Variants in ZNF83 observed in about 807,000 individuals in gnomAD.
ZNF83 encodes the protein zinc finger protein 816B.
For missense variants in ZNF83, 552 were observed against 629.9 expected (o/e 0.88, Z 1.32); for synonymous variants, 209 against 213.0 (o/e 0.98, Z 0.17).
chr19:52,669,068 C>T (rs2100945), intron 1 of ZNF83, among the ~76,000 whole-genome samples: 118,815 of 152,134 alleles, frequency 0.78, 46,755 homozygotes, highest in African/African-American at 0.88. Flanking sequence ...TACCAATCAG[C>T]CACTCTTTAT....
chr19:52,638,612 G>T (rs916198749), upstream of ZNF83, among the ~76,000 whole-genome samples: 1 of 152,266 alleles, frequency 6.6e-6, no homozygotes, highest in Non-Finnish European at 1.5e-5. Context: ...CTGGAACGGG[G>T]ATGCAAACTA....
rs1158825931 is a variant in ZNF83 at position 52,676,666 on chromosome 19, C to G, written c.-283+13777G>C. The stretch of plus-strand genomic sequence containing the variant: ...TGAGAACGGGCCAGGATGACAATGG[C>G]GGCTTTGTGGAATAGAAAGCGGGGA... On this transcript the variant is annotated intron_variant, in intron 1 of 5. Transcript: ENST00000594682. 1.4e-5 allele frequency among the ~76,000 whole-genome samples: 2 copies of G among 139,290 alleles called. 1 individual carries two copies. Among genetic ancestry groups the G allele is most frequent in the Non-Finnish European group, 3.2e-5 (2 of 62,746 alleles). The allele number at this position is 139,290 out of a possible 152,430, so 91.4% of individuals were successfully genotyped here.
exon 3 of ZNF83, chr19:52,614,725 G>T: frequency 7.6e-7 from 1 of 1,321,006 alleles, no homozygotes; most frequent in Non-Finnish European, 9.7e-7. Flanking sequence ...CAACATTACT[G>T]TCTGGAATAT....
At chr19:52,644,642 AAC>A (rs1288202268) in intron 3 of ZNF83, among the ~76,000 whole-genome samples, 2 of 152,198 alleles carry the variant, frequency 1.3e-5, no homozygotes, top group Non-Finnish European at 2.9e-5. Context: ...CAGAAGTGTG[AAC>A]ACACAGTTAT....
chr19:52,677,559 CTTAAA>C (rs1320042028), intron 1 of ZNF83, among the ~76,000 whole-genome samples: 1 of 151,804 alleles, frequency 6.6e-6, no homozygotes, highest in Admixed American at 6.6e-5. Flanking sequence ...TTTTACGTCT[CTTAAA>C]TTAAATGGCC....
intron 1 of ZNF83, among the ~76,000 whole-genome samples, chr19:52,675,102 A>G (rs2061780788): frequency 6.6e-6 from 1 of 152,238 alleles, no homozygotes; most frequent in Non-Finnish European, 1.5e-5. Context: ...CTGAAGGCTG[A>G]CAAATCTTAT....
chr19:52,665,419 T>G (rs960569047), intron 1 of ZNF83, among the ~76,000 whole-genome samples: 1 of 151,714 alleles, frequency 6.6e-6, no homozygotes, highest in African/African-American at 2.4e-5. Context: ...AGAAAAAAAG[T>G]GATTAAAAAA....
chr19:52,618,230 T>TA (rs1457124823), intron 2 of ZNF83, among the ~76,000 whole-genome samples: 1 of 151,990 alleles, frequency 6.6e-6, no homozygotes, highest in Non-Finnish European at 1.5e-5. Context: ...TACCTGGGAT[T>TA]ACAGACATGT....
intron 3 of ZNF83, chr19:52,654,486 C>T (rs933786858): frequency 3.6e-6 from 2 of 555,710 alleles, no homozygotes; most frequent in African/African-American, 2.0e-5. Context: ...TAATATTACA[C>T]AAAAAGCAAT....
chr19:52,676,738 A>G (rs1399535599), intron 1 of ZNF83, among the ~76,000 whole-genome samples: 92 of 140,330 alleles, frequency 6.6e-4, no homozygotes, highest in African/African-American at 2.2e-3. Context: ...GTGTCTGTGT[A>G]GAAAGAAGTA....
chr19:52,652,247 C>T, intron 3 of ZNF83: 2 of 231,808 alleles, frequency 8.6e-6, no homozygotes, highest in South Asian at 5.5e-5. Context: ...AGCAACCAGG[C>T]CAACATGGTG....
chr19:52,676,614 G>A (rs1196152182), intron 1 of ZNF83, among the ~76,000 whole-genome samples: 16 of 149,346 alleles, frequency 1.1e-4, no homozygotes, highest in South Asian at 4.2e-4. Context: ...CCACCACCCC[G>A]TCTGGGAGGT....
At chr19:52,618,147 A>C (rs1013937660) in intron 2 of ZNF83, 6 of 152,242 alleles carry the variant, frequency 3.9e-5, no homozygotes, top group African/African-American at 1.4e-4. Flanking sequence ...GCTGGAGTGC[A>C]GTCATGCATT....
intron 2 of ZNF83, chr19:52,619,166 T>A (rs2060437226): frequency 1.2e-6 from 2 of 1,608,544 alleles, no homozygotes; most frequent in Non-Finnish European, 1.7e-6. Flanking sequence ...TAGTGAATGT[T>A]CTGACAAATC....
At chr19:52,645,809 C>T (rs944557001) in intron 3 of ZNF83, among the ~76,000 whole-genome samples, 1 of 149,044 alleles carries the variant, frequency 6.7e-6, no homozygotes, top group African/African-American at 2.5e-5. Context: ...TCTGCCCCCC[C>T]CCAAAAAAAG....
At chr19:52,625,684 C>A (rs1421289523) in intron 2 of ZNF83, among the ~76,000 whole-genome samples, 1 of 152,204 alleles carries the variant, frequency 6.6e-6, no homozygotes, top group African/African-American at 2.4e-5. Context: ...TTCACTCCAT[C>A]CTTGGCTACC....
At chr19:52,683,228 CTGTGT>C (rs1235149909) in intron 1 of ZNF83, among the ~76,000 whole-genome samples, 6 of 127,970 alleles carry the variant, frequency 4.7e-5, no homozygotes, top group African/African-American at 1.8e-4. Context: ...CCCTGTGACT[CTGTGT>C]GTGTGTGTGT....
At chr19:52,641,166 C>A (rs958845987), upstream of ZNF83, among the ~76,000 whole-genome samples, 4 of 152,032 alleles carry the variant, frequency 2.6e-5, no homozygotes, top group African/African-American at 9.7e-5. Flanking sequence ...CTTGCCCCGC[C>A]CCAGTCTTGT....
At chr19:52,651,035 G>C (rs914019094) in intron 3 of ZNF83, 4 of 152,220 alleles carry the variant, frequency 2.6e-5, no homozygotes, top group African/African-American at 9.6e-5. Context: ...AGCCTTATCT[G>C]AGATGGGCTA....
Sources: allele counts gnomAD v4.1 joint callset (sites outside exome capture counted in the v4.1 genomes callset), GRCh38; gene constraint gnomAD v4.1.1; transcripts MANE v1.5; gene names NCBI Gene and HGNC (gene_info 2026-07-23, HGNC 2026-07-21).